LHX8: variants seen among roughly 807,000 people sequenced by gnomAD.
LHX8 encodes the protein LIM homeobox 8.
Under a neutral mutation model 40.3 loss-of-function variants are expected in LHX8, and 12 were observed. The ratio of observed to expected loss-of-function variants is 0.30; its 90% CI spans 0.19 to 0.48. The LOEUF (loss-of-function observed/expected upper bound fraction) is 0.48. LHX8 is among the 20% of genes least tolerant of loss of function. LHX8 has a pLI of 0.99. For synonymous variants in LHX8, 179 were observed against 162.0 expected (o/e 1.10, Z -0.80); for missense variants, 344 against 433.7 (o/e 0.79, Z 1.84).
chr1:75,164,387 A>G (rs1476457058), downstream of LHX8, among the ~76,000 whole-genome samples: 3 of 152,150 alleles, frequency 2.0e-5, no homozygotes, highest in East Asian at 1.9e-4. Flanking sequence ...CCACTATGCT[A>G]TACTATTACC....
At chr1:75,159,262 T>C (rs1028042599) in intron 8 of LHX8, 8 of 152,156 alleles carry the variant, frequency 5.3e-5, no homozygotes, top group Non-Finnish European at 1.0e-4. Flanking sequence ...ATTGACCTTC[T>C]TGCTCCTTCG....
In LHX8 at chr1:75,160,974, A is replaced by G; in HGVS notation, c.*79A>G. The G allele has an allele frequency of 2.7e-6, 3 of 1,103,490 alleles. No individual in the cohort carries two copies. Among genetic ancestry groups the G allele is most frequent in the Non-Finnish European group, 4.2e-6 (3 of 722,802 alleles). 68.4% of individuals were successfully genotyped at this position (1,103,490 alleles called of 1,614,324 possible). A position where few individuals can be genotyped will look rare whatever the true frequency, so the allele number is the denominator to read the frequency against. ...TATAAAATACCATTGAAAAGATATTACTGTTAATTTTTTATTTAACACCTA... is the reference window on the plus strand; with the variant it reads ...TATAAAATACCATTGAAAAGATATTGCTGTTAATTTTTTATTTAACACCTA... On this transcript the variant is annotated 3_prime_UTR_variant, in exon 9 of 9. Transcript: ENST00000356261.
the LHX8 span, among the ~76,000 whole-genome samples, chr1:75,191,482 A>T: frequency 6.6e-6 from 1 of 152,198 alleles, no homozygotes; most frequent in South Asian, 2.1e-4. Context: ...AAGGAGGCAC[A>T]GGTGGCATGC....
rs572390869 is a variant in LHX8 at position 75,134,940 on chromosome 1, C to A, written c.-27C>A. The stretch of plus-strand genomic sequence containing the variant: ...GGGAGATGAAGCCTCGAGCCTAAGG[C>A]GCTCTCAGGTCCATGTGAGTCGTGC... On this transcript the variant is annotated 5_prime_UTR_variant, in exon 1 of 9. Coordinates refer to ENST00000356261, the MANE Select transcript of LHX8 (RefSeq NM_001256114.2). 13 of 985,300 alleles carry A rather than the reference C, an allele frequency of 1.3e-5. No individual in the cohort carries two copies. The African/African-American group carries it at 2.1e-4, about 16-fold the overall frequency. 61.0% of individuals were successfully genotyped at this position (985,300 alleles called of 1,614,324 possible).
At chr1:75,168,860 G>A in the LHX8 span, among the ~76,000 whole-genome samples, 2 of 152,060 alleles carry the variant, frequency 1.3e-5, no homozygotes, top group Admixed American at 1.3e-4. Context: ...AATGTCTCTA[G>A]AATTTACCTG....
chr1:75,133,181 G>A (rs1482921685), upstream of LHX8: 1 of 152,188 alleles, frequency 6.6e-6, no homozygotes, highest in African/African-American at 2.4e-5. Flanking sequence ...GTGCGCAGCT[G>A]CGCGAAAAGA....
At chr1:75,190,357 A>G in the LHX8 span, among the ~76,000 whole-genome samples, 3 of 152,142 alleles carry the variant, frequency 2.0e-5, no homozygotes, top group South Asian at 2.1e-4. Flanking sequence ...ATTTTGCCCT[A>G]TATTTTTCTT....
chr1:75,199,089 T>C, the LHX8 span, among the ~76,000 whole-genome samples: 1 of 152,242 alleles, frequency 6.6e-6, no homozygotes, highest in African/African-American at 2.4e-5. Flanking sequence ...TCAACGCTGT[T>C]TATCAGAGGA....
chr1:75,197,034 A>T, the LHX8 span, among the ~76,000 whole-genome samples: 2 of 152,220 alleles, frequency 1.3e-5, no homozygotes, highest in African/African-American at 4.8e-5. Flanking sequence ...CAGAACAAAA[A>T]ATTGTGTGAG....
upstream of LHX8, chr1:75,130,452 G>C: frequency 1.8e-6 from 1 of 570,162 alleles, no homozygotes; most frequent in Non-Finnish European, 3.1e-6. Flanking sequence ...GGGTCTGCCC[G>C]CCAGTGGATT....
chr1:75,187,887 A>G, the LHX8 span, among the ~76,000 whole-genome samples: 33 of 152,152 alleles, frequency 2.2e-4, no homozygotes, highest in African/African-American at 8.0e-4. Flanking sequence ...GGTCAAGGAA[A>G]CTACAGACAG....
chr1:75,137,167 C>T lies in LHX8; in HGVS notation c.143C>T (p.Ser48Leu), dbSNP rs1648171441. ...SSSAPLSPSS[S>L]PRSMASGSGC... ...TCGGCCCCGCTGTCCCCGTCGTCCT[C>T]GCCCCGGTCCATGGCCTCGGGCTCC... Residue 48 changes from serine (S) to leucine (L), a missense_variant, in exon 3 of 9, where the codon TCG becomes TTG. Physicochemically the swap from Ser to Leu is moderately radical, Grantham distance 145 (BLOSUM62 -2). Around this residue, in one of 3 missense-constraint regions of LHX8, gnomAD observed 108 missense variants for 90.1 expected, o/e 1.20. Coordinates refer to ENST00000356261, the MANE Select transcript of LHX8 (RefSeq NM_001256114.2). 1 of 1,613,242 alleles carries T rather than the reference C, an allele frequency of 6.2e-7. No homozygotes were observed. The highest frequency in any genetic ancestry group is 8.5e-7 in the Non-Finnish European group (1 of 1,179,780).
Position 75,143,120 on chromosome 1 carries a change from G to C in LHX8, c.362G>C (p.Arg121Thr), listed in dbSNP as rs1477580554. The change falls in exon 5 of 9, where the codon AGG (arginine) becomes ACG (threonine). Residue 121 changes from arginine (R) to threonine (T), a missense_variant and splice_region_variant. Arg to Thr is a moderately conservative substitution (Grantham distance 71). Transcript: ENST00000356261. The stretch of plus-strand genomic sequence containing the variant: ...TTCCACACCTCTATTTAATGTAGAA[G>C]GTATGGAACTCGCTGCTCTCGATGT... Reference protein sequence around the residue: ...DIFCKLDYFRRYGTRCSRCGR... With the variant: ...DIFCKLDYFRTYGTRCSRCGR... 2 of 1,612,850 alleles carry C rather than the reference G, an allele frequency of 1.2e-6. No homozygotes were observed. The highest frequency in any genetic ancestry group is 2.2e-5 in the East Asian group (1 of 44,880).
intron 6 of LHX8, among the ~76,000 whole-genome samples, chr1:75,144,621 T>A (rs1648412744): frequency 6.6e-6 from 1 of 152,180 alleles, no homozygotes; most frequent in Non-Finnish European, 1.5e-5. Flanking sequence ...ATACAAATTA[T>A]CAAAATAATT....
chr1:75,181,461 A>T, the LHX8 span, among the ~76,000 whole-genome samples: 7 of 152,220 alleles, frequency 4.6e-5, no homozygotes, highest in South Asian at 1.5e-3. Flanking sequence ...TCGATCTCGG[A>T]CTAGGAGTGA....
At chr1:75,188,080 A>T in the LHX8 span, among the ~76,000 whole-genome samples, 2 of 152,124 alleles carry the variant, frequency 1.3e-5, no homozygotes, top group Admixed American at 6.5e-5. Context: ...TGAGCCAGCT[A>T]TGGGAGGAGA....
chr1:75,165,446 C>T (rs1010048858), downstream of LHX8, among the ~76,000 whole-genome samples: 1 of 152,090 alleles, frequency 6.6e-6, no homozygotes, highest in Non-Finnish European at 1.5e-5. Flanking sequence ...ATGTGAAAAC[C>T]ACTGCAAGGA....
At chr1:75,199,270 C>G in the LHX8 span, among the ~76,000 whole-genome samples, 3 of 152,140 alleles carry the variant, frequency 2.0e-5, no homozygotes, top group African/African-American at 7.2e-5. Context: ...TCCTTGGAGA[C>G]CAATGCTTTT....
chr1:75,166,091 C>G (rs1300708679), downstream of LHX8, among the ~76,000 whole-genome samples: 19 of 152,256 alleles, frequency 1.2e-4, no homozygotes, highest in East Asian at 3.7e-3. Flanking sequence ...ACTCTGAGGC[C>G]GGGCAGTTGG....
Sources: allele counts gnomAD v4.1 joint callset (sites outside exome capture counted in the v4.1 genomes callset), GRCh38; gene constraint gnomAD v4.1.1; regional missense constraint gnomAD v4.1.1; transcripts MANE v1.5; gene names NCBI Gene and HGNC (gene_info 2026-07-23, HGNC 2026-07-21).